Variants in MICAL3 observed in about 807,000 individuals in gnomAD.
MICAL3 encodes [F-actin]-monooxygenase MICAL3.
A neutral mutation model predicts 207.4 loss-of-function variants in MICAL3; 62 were observed. The observed-to-expected ratio is 0.30, with a 90% CI of 0.24 to 0.37. The LOEUF is 0.37. MICAL3 is among the 10% of genes least tolerant of loss of function. The pLI is 1.00. For missense variants in MICAL3, 2,368 were observed against 2,635.6 expected (o/e 0.90, Z 2.22); for synonymous variants, 1,077 against 1,069.3 (o/e 1.01, Z -0.14).
At chr22:17,872,757 T>C in intron 16 of MICAL3, 1 of 1,611,016 alleles carries the variant, frequency 6.2e-7, no homozygotes, top group Non-Finnish European at 8.5e-7. Context: ...CAGTTCCTTC[T>C]TGTCTAGAAG....
chr22:17,789,871 G>T lies in MICAL3; in HGVS notation c.*861C>A, dbSNP rs2061811489. Reference sequence around the variant, plus strand: ...AAGCGGCTGAGCGTCTTGCCAGGTTGTCAGCTTCATTTCAACGTGCAAACA... The same window carrying T: ...AAGCGGCTGAGCGTCTTGCCAGGTTTTCAGCTTCATTTCAACGTGCAAACA... On this transcript the variant is annotated 3_prime_UTR_variant, in exon 32 of 32. Coordinates refer to ENST00000441493, the MANE Select transcript of MICAL3 (RefSeq NM_015241.3). The T allele has an allele frequency of 6.6e-6, 1 of 152,234 alleles. No homozygotes were observed. The highest frequency in any genetic ancestry group is 6.5e-5 in the Admixed American group (1 of 15,286). 9.4% of individuals were successfully genotyped at this position (152,234 alleles called of 1,614,324 possible).
intron 6 of MICAL3, among the ~76,000 whole-genome samples, chr22:17,899,776 C>A (rs1471148643): frequency 6.6e-6 from 1 of 152,028 alleles, no homozygotes; most frequent in African/African-American, 2.4e-5. Flanking sequence ...AAAACTATGA[C>A]TGACAGTAAA....
chr22:17,911,093 T>C (rs551809949), intron 1 of MICAL3, among the ~76,000 whole-genome samples: 5 of 152,292 alleles, frequency 3.3e-5, no homozygotes, highest in African/African-American at 9.6e-5. Flanking sequence ...CCAGCCTGCA[T>C]GTTTTGTCCG....
chr22:17,970,425 G>A (rs775562076), intron 1 of MICAL3, among the ~76,000 whole-genome samples: 7 of 144,452 alleles, frequency 4.8e-5, no homozygotes, highest in South Asian at 2.1e-4. Flanking sequence ...GTGATCTGCC[G>A]CAGGGCCCAC....
chr22:17,879,495 G>A, intron 16 of MICAL3: 1 of 1,022,820 alleles, frequency 9.8e-7, no homozygotes, highest in Non-Finnish European at 1.5e-6. Context: ...CAGAAATGCA[G>A]AGTTCAACAC....
intron 1 of MICAL3, among the ~76,000 whole-genome samples, chr22:17,954,981 C>T (rs961714144): frequency 6.6e-6 from 1 of 152,100 alleles, no homozygotes; most frequent in Non-Finnish European, 1.5e-5. Context: ...ACCTCGGCCT[C>T]GCAAAATGCT....
intron 1 of MICAL3, among the ~76,000 whole-genome samples, chr22:17,923,337 C>G (rs1932841935): frequency 6.6e-6 from 1 of 152,204 alleles, no homozygotes; most frequent in African/African-American, 2.4e-5. Flanking sequence ...TTGCCAAAAA[C>G]CAACTGCCAT....
chr22:17,930,180 G>C (rs1008346923), intron 1 of MICAL3, among the ~76,000 whole-genome samples: 3 of 152,152 alleles, frequency 2.0e-5, no homozygotes, highest in South Asian at 2.1e-4. Context: ...CAACGATAGG[G>C]AACAACTGGA....
chr22:17,910,514 C>T (rs558478722), intron 1 of MICAL3, among the ~76,000 whole-genome samples: 7 of 152,306 alleles, frequency 4.6e-5, no homozygotes, highest in African/African-American at 7.2e-5. Context: ...TTTAATTCCC[C>T]GGCCGAAGAG....
intron 1 of MICAL3, among the ~76,000 whole-genome samples, chr22:17,956,559 C>A (rs1934624283): frequency 6.6e-6 from 1 of 152,176 alleles, no homozygotes; most frequent in Non-Finnish European, 1.5e-5. Flanking sequence ...GTCCCAGCTA[C>A]TTGGGAGGCT....
chr22:17,895,184 T>C (rs1469293975), intron 10 of MICAL3, 100 bp downstream of exon 10: 3 of 1,226,158 alleles, frequency 2.4e-6, no homozygotes, highest in African/African-American at 3.0e-5. Flanking sequence ...AAAGTATCCT[T>C]GTATGTGTGG....
chr22:17,976,721 T>C (rs1935672037), intron 1 of MICAL3, among the ~76,000 whole-genome samples: 1 of 150,058 alleles, frequency 6.7e-6, no homozygotes, highest in African/African-American at 2.5e-5. Context: ...GATTTTAAGT[T>C]TGCAAAAGCT....
chr22:17,860,118 G>C, intron 19 of MICAL3: 1 of 911,908 alleles, frequency 1.1e-6, no homozygotes, highest in Non-Finnish European at 1.3e-6. Flanking sequence ...CCCACCCTCT[G>C]GTCAAGAGAA....
chr22:17,795,784 T>C (rs2061870032), intron 29 of MICAL3, among the ~76,000 whole-genome samples: 1 of 151,046 alleles, frequency 6.6e-6, no homozygotes, highest in African/African-American at 2.4e-5. Context: ...AGGCTACTTT[T>C]ATAATCAGAA....
chr22:17,842,323 G>T, intron 19 of MICAL3: 1 of 357,196 alleles, frequency 2.8e-6, no homozygotes. Flanking sequence ...GGTGGTGAGG[G>T]GTGTGGGCCA....
intron 11 of MICAL3, among the ~76,000 whole-genome samples, 170 bp from the exon 12 acceptor site, chr22:17,891,802 T>C (rs1371544241): frequency 6.6e-6 from 1 of 152,138 alleles, no homozygotes; most frequent in Non-Finnish European, 1.5e-5. Flanking sequence ...GTTATGCAAA[T>C]GGTATCATGA....
In MICAL3 at chr22:17,900,935, G is replaced by A; in HGVS notation, c.754C>T (p.Arg252Ter). 3 of 1,613,910 alleles carry A rather than the reference G, an allele frequency of 1.9e-6. No individual in the cohort carries two copies. The highest frequency in any genetic ancestry group is 2.5e-6 in the Non-Finnish European group (3 of 1,179,816). ...ACTTTAGCTTCTGCTGTTGTATTTC[G>A]GTTGATAAAATTTGCCGTGATGGCG... Reference protein sequence around the residue: ...AIAITANFINRNTTAEAKVEE... With the variant: ...AIAITANFIN Residue 252 changes from arginine to a stop codon, truncating the protein, a stop_gained, in exon 6 of 32, where the codon CGA becomes TGA. Coordinates refer to ENST00000441493, the MANE Select transcript of MICAL3 (RefSeq NM_015241.3). LOFTEE classifies it high-confidence loss of function. The surrounding 1 kb of genome is among the most constrained non-coding windows in gnomAD (Gnocchi z 4.0).
chr22:17,808,034 T>C (rs1279618627), intron 29 of MICAL3, among the ~76,000 whole-genome samples: 1 of 152,266 alleles, frequency 6.6e-6, no homozygotes, highest in Non-Finnish European at 1.5e-5. Context: ...CCCCCGGGGC[T>C]GGTCCTGCAG....
chr22:17,812,206 G>A (rs1349935749), intron 27 of MICAL3, among the ~76,000 whole-genome samples: 1 of 152,256 alleles, frequency 6.6e-6, no homozygotes, highest in African/African-American at 2.4e-5. Context: ...GCTGATCAGA[G>A]CTGAGGGCTG....
Sources: gnomAD v4.1 joint callset for allele counts (sites outside exome capture counted in the v4.1 genomes callset) on GRCh38, gnomAD v4.1.1 for gene constraint, Gnocchi (gnomAD v3.1) non-coding constraint, MANE v1.5 for transcripts, NCBI Gene and HGNC (gene_info 2026-07-23, HGNC 2026-07-21) for gene names.